Variants in CNTNAP5 observed in about 807,000 individuals in gnomAD.
CNTNAP5 encodes contactin-associated protein-like 5.
Under a neutral mutation model 150.2 loss-of-function variants are expected in CNTNAP5, and 72 were observed. The observed-to-expected ratio is 0.48, with a 90% CI of 0.40 to 0.58. CNTNAP5 has a LOEUF of 0.58. Ranked by LOEUF, CNTNAP5 falls within the 20% of genes least tolerant of loss-of-function variation. The pLI, the probability that CNTNAP5 is intolerant of heterozygous loss-of-function variation, is 0.00. For synonymous variants in CNTNAP5, 672 were observed against 619.8 expected (o/e 1.08, Z -1.25); for missense variants, 1,636 against 1,626.2 (o/e 1.01, Z -0.10).
In CNTNAP5 at chr2:124,417,545, A is replaced by G; in HGVS notation, c.484A>G (p.Ser162Gly). The change falls in exon 4 of 24, where the codon AGT becomes GGT. Residue 162 changes from serine (S) to glycine (G), a missense_variant. Coordinates refer to ENST00000682447, the MANE Select transcript of CNTNAP5 (RefSeq NM_001367498.1). ...VRFVPLEWNP[S>G]GKIGMRVEVY... The stretch of plus-strand genomic sequence containing the variant: ...CTTTGTGCCCCTGGAATGGAATCCC[A>G]GTGGGAAGATTGGCATGAGAGTCGA... 6.2e-7 allele frequency: 1 copy of G among 1,613,802 alleles called. No individual in the cohort carries two copies. Among genetic ancestry groups the G allele is most frequent in the Admixed American group, 1.7e-5 (1 of 59,998 alleles).
At chr2:124,813,378 G>GTT (rs111265761) in intron 19 of CNTNAP5, among the ~76,000 whole-genome samples, 5 of 143,670 alleles carry the variant, frequency 3.5e-5, no homozygotes, top group African/African-American at 1.3e-4. Context: ...TGCCTGGCCT[G>GTT]TTTTTTTTTT....
At chr2:124,185,311 C>T (rs957150467) in intron 1 of CNTNAP5, among the ~76,000 whole-genome samples, 1 of 152,150 alleles carries the variant, frequency 6.6e-6, no homozygotes, top group African/African-American at 2.4e-5. Flanking sequence ...ACTCATATTG[C>T]CACCCACTGG....
At chr2:124,374,263 G>A (rs1243922184) in intron 3 of CNTNAP5, among the ~76,000 whole-genome samples, 1 of 151,744 alleles carries the variant, frequency 6.6e-6, no homozygotes, top group African/African-American at 2.4e-5. Context: ...AATAGAACAT[G>A]TTCTGACAAA....
intron 1 of CNTNAP5, among the ~76,000 whole-genome samples, chr2:124,171,059 G>C (rs1439141): frequency 0.78 from 118,083 of 152,116 alleles, 47,023 homozygotes; most frequent in Non-Finnish European, 0.85. Context: ...TTTCTAAGTT[G>C]CTGAGAACTA....
chr2:124,885,199 G>T (rs1362282065), intron 21 of CNTNAP5, among the ~76,000 whole-genome samples: 1 of 151,922 alleles, frequency 6.6e-6, no homozygotes, highest in African/African-American at 2.4e-5. Flanking sequence ...CTTCTTCTTT[G>T]GGAAGTCTTA....
intron 13 of CNTNAP5, among the ~76,000 whole-genome samples, chr2:124,706,896 A>AGGAGAAGGAGAAGAGGAAGAG (rs1371429874): frequency 3.3e-5 from 3 of 91,858 alleles, no homozygotes; most frequent in Admixed American, 1.0e-4. Context: ...AGGAAGAGGA[A>AGGAGAAGGAGAAGAGGAAGAG]GAAGAAGGAG....
At chr2:124,818,865 T>A (rs1038661633) in intron 19 of CNTNAP5, among the ~76,000 whole-genome samples, 27 of 152,204 alleles carry the variant, frequency 1.8e-4, no homozygotes, top group Non-Finnish European at 1.3e-4. Flanking sequence ...TTTCACCTAC[T>A]GTCATAGGCC....
At chr2:124,078,000 A>T (rs1682477646) in intron 1 of CNTNAP5, among the ~76,000 whole-genome samples, 1 of 152,226 alleles carries the variant, frequency 6.6e-6, no homozygotes, top group East Asian at 1.9e-4. Context: ...CAATGAAGTC[A>T]AATGTGTTAT....
At chr2:124,492,399 A>G (rs1426858457) in intron 7 of CNTNAP5, among the ~76,000 whole-genome samples, 1 of 152,072 alleles carries the variant, frequency 6.6e-6, no homozygotes, top group Non-Finnish European at 1.5e-5. Flanking sequence ...CAATAAGTTT[A>G]TTTCTGAGTT....
chr2:124,675,658 A>G (rs1678924561), intron 13 of CNTNAP5, among the ~76,000 whole-genome samples: 1 of 152,162 alleles, frequency 6.6e-6, no homozygotes, highest in South Asian at 2.1e-4. Context: ...TCCATTCTAT[A>G]TTCATTACAA....
intron 1 of CNTNAP5, among the ~76,000 whole-genome samples, chr2:124,203,909 C>G (rs2104713751): frequency 6.6e-6 from 1 of 152,310 alleles, no homozygotes; most frequent in Middle Eastern, 3.4e-3. Flanking sequence ...ATTGTCTTGG[C>G]CAGTAACATT....
At chr2:124,742,728 T>C (rs920268530) in intron 13 of CNTNAP5, among the ~76,000 whole-genome samples, 3 of 152,070 alleles carry the variant, frequency 2.0e-5, no homozygotes, top group Admixed American at 6.6e-5. Context: ...AATATTTGCA[T>C]GGAAGTAATG....
chr2:124,279,549 A>T (rs1354729438), intron 3 of CNTNAP5, among the ~76,000 whole-genome samples: 1 of 151,834 alleles, frequency 6.6e-6, no homozygotes, highest in Non-Finnish European at 1.5e-5. Context: ...TATGGTAGGG[A>T]AGGACATTTA....
intron 2 of CNTNAP5, among the ~76,000 whole-genome samples, chr2:124,239,623 A>C (rs1686836875): frequency 6.6e-6 from 1 of 152,154 alleles, no homozygotes; most frequent in Non-Finnish European, 1.5e-5. Context: ...CATTCACCAC[A>C]GACAAAATCG....
chr2:124,173,680 T>G (rs1189320208), intron 1 of CNTNAP5, among the ~76,000 whole-genome samples: 1 of 152,206 alleles, frequency 6.6e-6, no homozygotes, highest in Non-Finnish European at 1.5e-5. Context: ...GGAAAGAAAC[T>G]GTCTCCATAA....
At chr2:124,060,537 T>C (rs1348983014) in intron 1 of CNTNAP5, among the ~76,000 whole-genome samples, 1 of 152,178 alleles carries the variant, frequency 6.6e-6, no homozygotes, top group African/African-American at 2.4e-5. Flanking sequence ...GTATTCTATT[T>C]GTGGGTATAC....
At chr2:124,419,119 C>T (rs1322099642) in intron 4 of CNTNAP5, among the ~76,000 whole-genome samples, 19 of 90,664 alleles carry the variant, frequency 2.1e-4, no homozygotes, top group Admixed American at 8.4e-4. Flanking sequence ...CCGGCCTGGG[C>T]GACAGAGCGA....
intron 19 of CNTNAP5, among the ~76,000 whole-genome samples, chr2:124,859,677 A>T (rs528027829): frequency 6.6e-6 from 1 of 152,324 alleles, no homozygotes; most frequent in South Asian, 2.1e-4. Context: ...CATCAATGAT[A>T]GACTGGATTA....
At chr2:124,303,092 G>A (rs1211865513) in intron 3 of CNTNAP5, among the ~76,000 whole-genome samples, 1 of 151,918 alleles carries the variant, frequency 6.6e-6, no homozygotes, top group Non-Finnish European at 1.5e-5. Flanking sequence ...CCCTTAAATT[G>A]TGTTTTCCAC....
Sources: gnomAD v4.1 joint callset for allele counts (sites outside exome capture counted in the v4.1 genomes callset) on GRCh38, gnomAD v4.1.1 for gene constraint, MANE v1.5 for transcripts, NCBI Gene and HGNC (gene_info 2026-07-23, HGNC 2026-07-21) for gene names.